TMOD3: variants seen among roughly 807,000 people sequenced by gnomAD.
TMOD3 encodes the protein tropomodulin-3.
A neutral mutation model predicts 39.2 loss-of-function variants in TMOD3; 20 were observed. That is an observed-to-expected ratio of 0.51 (90% confidence interval 0.36 to 0.74). The LOEUF is 0.74. TMOD3 is among the 30% of genes least tolerant of loss of function. The pLI is 0.00. For synonymous variants in TMOD3, 143 were observed against 145.8 expected, an observed-to-expected ratio of 0.98 and a Z score of 0.14; for missense variants, 381 against 412.8, an observed-to-expected ratio of 0.92 and a Z score of 0.67.
At position 51,865,093 on chromosome 15, in the gene TMOD3, C is replaced by T. The variant is rs190938193; in HGVS notation, c.126+2083C>T. The stretch of plus-strand genomic sequence containing the variant: ...CCTCGAACTTCTGGGCTCAAGCGAT[C>T]CTCCCACCTCAGCCTCCTATGTAGC... On this transcript the variant is annotated intron_variant, in intron 2 of 9. Transcript: ENST00000308580. 5.3e-5 allele frequency among the ~76,000 whole-genome samples: 8 copies of T among 152,152 alleles called. No homozygotes were observed. In the East Asian group the frequency reaches 1.5e-3, roughly 29 times the overall value.
chr15:51,901,572 AGTGTGT>A lies in TMOD3; in HGVS notation c.880-285_880-280del, dbSNP rs57976840. 2.7e-3 allele frequency: 505 copies of A among 184,780 alleles called. 2 individuals are homozygous for A. The highest frequency in any genetic ancestry group is 0.027 in the East Asian group (182 of 6,742). The allele number at this position is 184,780 out of a possible 1,614,324, so 11.4% of individuals were successfully genotyped here. On this transcript the variant is annotated intron_variant, in intron 8 of 9. Coordinates refer to ENST00000308580, the MANE Select transcript of TMOD3 (RefSeq NM_014547.5). ...CATATTACTGAACTTTAAAAAGTTT[AGTGTGT>A]GTGTGTGTGTGTGTGTGTGTGTGTG...
chr15:51,834,252 A>T (rs1334505564), intron 1 of TMOD3, among the ~76,000 whole-genome samples: 3 of 152,058 alleles, frequency 2.0e-5, no homozygotes, highest in Admixed American at 6.5e-5. Context: ...TACTTTCTCA[A>T]TGATATTGTG....
In TMOD3 at chr15:51,906,049, C is replaced by A. The variant is rs1221979479; in HGVS notation, c.1025-2727C>A. Among the ~76,000 whole-genome samples, 3 of 149,154 alleles carry A rather than the reference C, an allele frequency of 2.0e-5. No individual in the cohort carries two copies. The South Asian group carries it at 6.4e-4, about 32-fold the overall frequency. ...ATAAGCCTGCCATCTAGAGGATGAGCTGAGGAATTGCTGGAAGGTAACAAG... is the reference window on the plus strand; with the variant it reads ...ATAAGCCTGCCATCTAGAGGATGAGATGAGGAATTGCTGGAAGGTAACAAG... On this transcript the variant is annotated intron_variant, in intron 9 of 9. Coordinates refer to ENST00000308580, the MANE Select transcript of TMOD3 (RefSeq NM_014547.5).
Position 51,896,531 on chromosome 15 carries a change from GT to G in TMOD3, c.735+6del, listed in dbSNP as rs748764927. The stretch of plus-strand genomic sequence containing the variant: ...AGCAATGACCCTGTTGCTACTGTAA[GT>G]AAGCGACTTGAGAATATCAAAATTA... On this transcript the variant is annotated splice_donor_region_variant and intron_variant, in intron 7 of 9. Coordinates refer to ENST00000308580, the MANE Select transcript of TMOD3 (RefSeq NM_014547.5). 6.2e-7 allele frequency: 1 copy of G among 1,603,908 alleles called. No individual in the cohort carries two copies.
intron 2 of TMOD3, among the ~76,000 whole-genome samples, chr15:51,868,356 G>A (rs189401284): frequency 6.6e-4 from 101 of 152,206 alleles, no homozygotes; most frequent in African/African-American, 2.3e-3. Context: ...TCATTACGTA[G>A]GTAAACTTGT....
chr15:51,893,448 T>A (rs2056604793), intron 5 of TMOD3, among the ~76,000 whole-genome samples: 1 of 150,934 alleles, frequency 6.6e-6, no homozygotes, highest in Non-Finnish European at 1.5e-5. Flanking sequence ...TGTTACCAAG[T>A]CAATTATCTG....
intron 1 of TMOD3, chr15:51,859,119 C>T: frequency 3.3e-6 from 2 of 613,650 alleles, no homozygotes; most frequent in Non-Finnish European, 6.0e-6. Context: ...AAAATGGACT[C>T]ATAATACATA....
intron 3 of TMOD3, chr15:51,884,757 G>C (rs1159018382): frequency 6.6e-6 from 1 of 152,128 alleles, no homozygotes; most frequent in Non-Finnish European, 1.5e-5. Context: ...GACTGTGAAG[G>C]CCTAAGAACA....
intron 1 of TMOD3, among the ~76,000 whole-genome samples, chr15:51,832,203 T>TTCTATATATATA (rs371264278): frequency 1.3e-4 from 10 of 79,334 alleles, no homozygotes; most frequent in Non-Finnish European, 2.7e-4. Context: ...AGAAAAAAAA[T>TTCTATATATATA]TATATATATA....
intron 3 of TMOD3, among the ~76,000 whole-genome samples, chr15:51,881,794 C>T (rs2056536251): frequency 6.6e-6 from 1 of 151,716 alleles, no homozygotes; most frequent in South Asian, 2.1e-4. Context: ...GAACTCCTGA[C>T]CTTAGGTGAT....
chr15:51,893,781 T>C (rs1288710660), intron 5 of TMOD3, 34 bp from the exon 6 acceptor site: 1 of 1,449,330 alleles, frequency 6.9e-7, no homozygotes, highest in South Asian at 1.5e-5. Context: ...AAAAAAATGG[T>C]ATCAAATCCT....
At chr15:51,876,267 C>T (rs900343404) in intron 3 of TMOD3, among the ~76,000 whole-genome samples, 7 of 152,116 alleles carry the variant, frequency 4.6e-5, no homozygotes, top group Admixed American at 2.0e-4. Flanking sequence ...CTCTTGGGCT[C>T]AGGTGATTCT....
chr15:51,892,047 C>T (rs1163810456), intron 5 of TMOD3, among the ~76,000 whole-genome samples: 1 of 150,440 alleles, frequency 6.6e-6, no homozygotes, highest in Non-Finnish European at 1.5e-5. Context: ...TTCAAACCTT[C>T]ATCTAAGTTG....
At chr15:51,872,063 T>C (rs961846939) in intron 3 of TMOD3, among the ~76,000 whole-genome samples, 1 of 152,144 alleles carries the variant, frequency 6.6e-6, no homozygotes, top group Non-Finnish European at 1.5e-5. Flanking sequence ...CAGTGAATTA[T>C]AAAATAAACA....
Position 51,869,241 on chromosome 15 carries a change from C to T in TMOD3, c.151C>T (p.Arg51Trp), listed in dbSNP as rs753257578. ...GAATGCCCTTCTGCCTGCAGGGTTC[C>T]GGCAGAAGAACCAGACATCAAAGTC... is the stretch of plus-strand genomic sequence containing the variant. The part of the protein sequence containing the change: ...PENALLPAGF[R>W]QKNQTSKSTT... The change falls in exon 3 of 10, where the codon CGG (arginine) becomes TGG (tryptophan). Residue 51 changes from arginine to tryptophan, a missense_variant. Arg to Trp is a moderately radical substitution (Grantham distance 101). Transcript: ENST00000308580. The T allele has an allele frequency of 1.8e-5, 29 of 1,613,640 alleles. No homozygotes were observed. Among genetic ancestry groups the T allele is most frequent in the Non-Finnish European group, 2.3e-5 (27 of 1,179,920 alleles).
At chr15:51,858,723 C>T (rs1595894926) in intron 1 of TMOD3, among the ~76,000 whole-genome samples, 1 of 152,146 alleles carries the variant, frequency 6.6e-6, no homozygotes, top group East Asian at 1.9e-4. Context: ...TAACTGGCTC[C>T]TAGCTAGATT....
chr15:51,900,308 C>A lies in TMOD3; in HGVS notation c.879+10C>A, dbSNP rs753250082. On this transcript the variant is annotated intron_variant, in intron 8 of 9. Transcript: ENST00000308580. ...CAAGATTGACAATCAGGTCAATGTT[C>A]TACAATAATAACGTCGAGGAAGCTA... 1 of 1,613,496 alleles carries A rather than the reference C, an allele frequency of 6.2e-7. No individual in the cohort carries two copies. Among genetic ancestry groups the A allele is most frequent in the South Asian group, 1.1e-5 (1 of 90,942 alleles).
chr15:51,900,732 A>G (rs928069703), intron 8 of TMOD3, among the ~76,000 whole-genome samples: 1 of 152,212 alleles, frequency 6.6e-6, no homozygotes, highest in Non-Finnish European at 1.5e-5. Flanking sequence ...ATATTTGTTA[A>G]ATGTCTCCTT....
chr15:51,841,458 A>G (rs1019509900), intron 1 of TMOD3, among the ~76,000 whole-genome samples: 1 of 152,096 alleles, frequency 6.6e-6, no homozygotes, highest in South Asian at 2.1e-4. Context: ...TTTTACTTGT[A>G]TGTGGCTCCC....
Sources: allele counts gnomAD v4.1 joint callset (sites outside exome capture counted in the v4.1 genomes callset), GRCh38; gene constraint gnomAD v4.1.1; transcripts MANE v1.5; gene names NCBI Gene and HGNC (gene_info 2026-07-23, HGNC 2026-07-21).